Variants in ZNF578 observed in about 807,000 individuals in gnomAD.
ZNF578 encodes zinc finger protein 578, also known as Putative chemokine-related protein B42.
ZNF578 carries 8 observed loss-of-function variants against 8.3 expected under a neutral mutation model. The ratio of observed to expected loss-of-function variants is 0.96; its 90% confidence interval spans 0.56 to 1.74. ZNF578 has a LOEUF of 1.74. Among genes scored for constraint, ZNF578 ranks in the 40% most tolerant of loss-of-function variants. The probability of loss-of-function intolerance (pLI) is 0.00; values close to 1 mark genes in which losing one functional copy is unlikely to be tolerated. For synonymous variants in ZNF578, 206 were observed against 232.2 expected (o/e 0.89, Z 1.03); for missense variants, 726 against 707.5 (o/e 1.03, Z -0.30).
chr19:52,484,517 A>G (rs1015227093), intron 2 of ZNF578, among the ~76,000 whole-genome samples: 7 of 152,156 alleles, frequency 4.6e-5, no homozygotes, highest in African/African-American at 1.7e-4. Context: ...AGGTCCCTGC[A>G]GACTTCCACA....
At chr19:52,497,128 G>C (rs187504530) in intron 3 of ZNF578, among the ~76,000 whole-genome samples, 2 of 149,048 alleles carry the variant, frequency 1.3e-5, no homozygotes, top group Non-Finnish European at 3.0e-5. Flanking sequence ...TATTTGTTGA[G>C]ACTCTCTGTC....
At chr19:52,460,851 G>A (rs1341630329) in intron 2 of ZNF578, among the ~76,000 whole-genome samples, 3 of 152,072 alleles carry the variant, frequency 2.0e-5, no homozygotes, top group African/African-American at 7.2e-5. Context: ...TATATTAATA[G>A]TAGTGATATA....
At chr19:52,498,508 T>A (rs1359631942) in intron 3 of ZNF578, among the ~76,000 whole-genome samples, 1 of 151,948 alleles carries the variant, frequency 6.6e-6, no homozygotes, top group African/African-American at 2.4e-5. Context: ...ATTTTTTGCA[T>A]TTTTAGTAGA....
intron 2 of ZNF578, among the ~76,000 whole-genome samples, chr19:52,465,524 C>T (rs2059272210): frequency 6.6e-6 from 1 of 152,176 alleles, no homozygotes; most frequent in Non-Finnish European, 1.5e-5. Flanking sequence ...CTGCACGCAC[C>T]AATGACCAAA....
Position 52,511,619 on chromosome 19 carries a change from A to G in ZNF578, c.1238A>G (p.His413Arg), listed in dbSNP as rs2059447368. The change falls in exon 6 of 6, where the codon CAC becomes CGC. Residue 413 changes from histidine to arginine, a missense_variant. His to Arg is a conservative substitution (Grantham distance 29). Transcript: ENST00000421239. ...ECGKAFNQQSHLSRHHRLHTG... is the reference protein window; with the variant it reads ...ECGKAFNQQSRLSRHHRLHTG... ...GGCAAGGCTTTTAATCAACAATCAC[A>G]CCTTTCACGTCATCATAGACTTCAT... The G allele has an allele frequency of 6.2e-7, 1 of 1,612,988 alleles. No individual in the cohort carries two copies. The highest frequency in any genetic ancestry group is 1.3e-5 in the African/African-American group (1 of 74,960).
Position 52,487,610 on chromosome 19 carries a change from G to A in ZNF578, c.-121-3714G>A, listed in dbSNP as rs143206176. ...GTAGTGAAGTGGGAAAAAAGTCACCGTCTGTTATTACATAATACTTTTAAT... is the reference window on the plus strand; with the variant it reads ...GTAGTGAAGTGGGAAAAAAGTCACCATCTGTTATTACATAATACTTTTAAT... On this transcript the variant is annotated intron_variant, in intron 2 of 5. Transcript: ENST00000421239. 7.5e-4 allele frequency among the ~76,000 whole-genome samples: 114 copies of A among 152,182 alleles called. 1 individual carries two copies. The highest frequency in any genetic ancestry group is 1.0e-3 in the Non-Finnish European group (71 of 68,010).
At position 52,497,867 on chromosome 19, in the gene ZNF578, C is replaced by T. The variant is rs116308435; in HGVS notation, c.-19-3960C>T. On this transcript the variant is annotated intron_variant, in intron 3 of 5. Coordinates refer to ENST00000421239, the MANE Select transcript of ZNF578 (RefSeq NM_001099694.2). ...TTCTAAGTAAGTGTCCCCCTCAAGTCCCTCTGGTCCATAATATTCTCTACA... is the reference window on the plus strand; with the variant it reads ...TTCTAAGTAAGTGTCCCCCTCAAGTTCCTCTGGTCCATAATATTCTCTACA... 4.1e-3 allele frequency among the ~76,000 whole-genome samples: 622 copies of T among 152,234 alleles called. 4 individuals carry two copies. The highest frequency in any genetic ancestry group is 0.014 in the African/African-American group (597 of 41,524).
chr19:52,483,017 G>A (rs2059332486), intron 2 of ZNF578, among the ~76,000 whole-genome samples: 2 of 151,948 alleles, frequency 1.3e-5, no homozygotes, highest in Admixed American at 1.3e-4. Context: ...GGCTGAGGCA[G>A]GAGAATCATG....
intron 2 of ZNF578, chr19:52,475,336 C>G (rs1421268975): frequency 5.7e-6 from 1 of 176,004 alleles, no homozygotes; most frequent in Non-Finnish European, 1.2e-5. Flanking sequence ...GAAATTTTTT[C>G]TTTCTTTTCT....
chr19:52,514,715 T>G lies in ZNF578; in HGVS notation c.*2561T>G, dbSNP rs913099702. On this transcript the variant is annotated 3_prime_UTR_variant, in exon 6 of 6. Transcript: ENST00000421239. ...TCTCGCTCTGTCAGCTTGGATGGAG[T>G]GCAGTGGTGCGATCTCAGCTCACTG... is the stretch of plus-strand genomic sequence containing the variant. 2.0e-5 allele frequency among the ~76,000 whole-genome samples: 3 copies of G among 152,070 alleles called. No individual in the cohort carries two copies. The highest frequency in any genetic ancestry group is 4.4e-5 in the Non-Finnish European group (3 of 68,012).
At chr19:52,480,945 A>AATT (rs1568459392) in intron 2 of ZNF578, among the ~76,000 whole-genome samples, 5 of 146,392 alleles carry the variant, frequency 3.4e-5, no homozygotes, top group Non-Finnish European at 7.5e-5. Context: ...TAATAATAAT[A>AATT]ATTTGGCACC....
At chr19:52,463,848 A>T (rs1324690575) in intron 2 of ZNF578, among the ~76,000 whole-genome samples, 1 of 152,196 alleles carries the variant, frequency 6.6e-6, no homozygotes, top group Non-Finnish European at 1.5e-5. Flanking sequence ...CATCAGTAAA[A>T]GTAGTCACAG....
At chr19:52,500,228 G>A (rs1357033675) in intron 3 of ZNF578, among the ~76,000 whole-genome samples, 2 of 152,078 alleles carry the variant, frequency 1.3e-5, no homozygotes, top group Non-Finnish European at 2.9e-5. Flanking sequence ...GGTCGGCGCA[G>A]AGCTTAATTT....
In ZNF578 at chr19:52,510,879, A is replaced by G; in HGVS notation, c.498A>G (p.Glu166=). The G allele has an allele frequency of 6.2e-7, 1 of 1,614,188 alleles. No individual in the cohort carries two copies. Among genetic ancestry groups the G allele is most frequent in the Non-Finnish European group, 8.5e-7 (1 of 1,180,026 alleles). ...LGLSFHLHLP[E]LHIFQPEEKI... is the part of the protein sequence containing the mutation. ...TAAGCTTTCATTTGCATCTTCCTGA[A>G]CTCCACATATTTCAGCCCGAAGAGA... The change falls in exon 6 of 6, where the codon GAA becomes GAG. Residue 166 remains glutamate, a synonymous_variant. Coordinates refer to ENST00000421239, the MANE Select transcript of ZNF578 (RefSeq NM_001099694.2).
At chr19:52,486,135 C>T (rs144836793) in intron 2 of ZNF578, among the ~76,000 whole-genome samples, 2 of 152,190 alleles carry the variant, frequency 1.3e-5, no homozygotes, top group African/African-American at 2.4e-5. Flanking sequence ...GTGAGACATG[C>T]GGGCAGCAAT....
chr19:52,454,496 A>G (rs2059233176), intron 1 of ZNF578: 1 of 152,232 alleles, frequency 6.6e-6, no homozygotes, highest in Non-Finnish European at 1.5e-5. Context: ...TAAATTGAGG[A>G]TTCCCATGAC....
At chr19:52,504,882 T>TC in intron 5 of ZNF578, 101 bp downstream of exon 5, 1 of 1,539,046 alleles carries the variant, frequency 6.5e-7, no homozygotes, top group Non-Finnish European at 8.6e-7. Flanking sequence ...ATACGTGGTT[T>TC]TTTTGTTTGA....
intron 3 of ZNF578, among the ~76,000 whole-genome samples, chr19:52,501,396 C>T (rs1392046760): frequency 6.6e-6 from 1 of 152,220 alleles, no homozygotes; most frequent in Non-Finnish European, 1.5e-5. Context: ...GGAACCCACC[C>T]TCAGTAATAC....
chr19:52,496,800 G>T (rs1355673391), intron 3 of ZNF578, among the ~76,000 whole-genome samples: 5 of 151,658 alleles, frequency 3.3e-5, no homozygotes, highest in African/African-American at 9.7e-5. Context: ...ACCATGGCCG[G>T]CTAATTTTGT....
Sources: allele counts gnomAD v4.1 joint callset (sites outside exome capture counted in the v4.1 genomes callset), GRCh38; gene constraint gnomAD v4.1.1; transcripts MANE v1.5; gene names NCBI Gene and HGNC (gene_info 2026-07-23, HGNC 2026-07-21).